DAB1: variants seen among roughly 807,000 people sequenced by gnomAD.
The protein encoded by DAB1 is disabled homolog 1.
DAB1 carries 15 observed loss-of-function variants against 64.6 expected under a neutral mutation model. The observed-to-expected ratio is 0.23, with a 90% CI of 0.16 to 0.36. DAB1 has a LOEUF of 0.36. Ranked by LOEUF, DAB1 falls within the 10% of genes least tolerant of loss-of-function variation. The pLI is 1.00. For missense variants in DAB1, 596 were observed against 706.7 expected, an observed-to-expected ratio of 0.84 and a Z score of 1.78; for synonymous variants, 235 against 251.9, an observed-to-expected ratio of 0.93 and a Z score of 0.64.
chr1:57,014,022 C>T (rs2100319272), intron 12 of DAB1, among the ~76,000 whole-genome samples: 2 of 152,322 alleles, frequency 1.3e-5, no homozygotes, highest in South Asian at 4.2e-4. Context: ...AACACCAGAA[C>T]TCTGGTCCAG....
intron 6 of DAB1, among the ~76,000 whole-genome samples, chr1:57,669,822 A>G (rs1043882321): frequency 1.3e-5 from 2 of 152,202 alleles, no homozygotes; most frequent in Admixed American, 1.3e-4. Context: ...AATATATTTA[A>G]TAGGATTTGG....
chr1:57,215,522 G>C (rs575204106), intron 2 of DAB1, among the ~76,000 whole-genome samples: 1 of 152,202 alleles, frequency 6.6e-6, no homozygotes, highest in African/African-American at 2.4e-5. Context: ...CTTTGAGTTT[G>C]AAAAAAACGT....
intron 9 of DAB1, among the ~76,000 whole-genome samples, chr1:57,043,309 C>A (rs563222576): frequency 1.3e-5 from 2 of 152,306 alleles, no homozygotes; most frequent in East Asian, 3.9e-4. Context: ...GTCTTCCAGT[C>A]TCTATAAAGG....
At chr1:58,319,802 T>C (rs1662641696) in intron 4 of DAB1, among the ~76,000 whole-genome samples, 1 of 152,166 alleles carries the variant, frequency 6.6e-6, no homozygotes, top group Admixed American at 6.5e-5. Context: ...ACAACAGGCG[T>C]TGTCCAATAA....
intron 4 of DAB1, among the ~76,000 whole-genome samples, chr1:58,163,412 G>A (rs1231343346): frequency 1.3e-5 from 2 of 152,170 alleles, no homozygotes; most frequent in East Asian, 1.9e-4. Context: ...ATAGCCAAGT[G>A]AAGAGATAGA....
At chr1:57,033,235 A>G in intron 9 of DAB1, 1 of 797,852 alleles carries the variant, frequency 1.3e-6, no homozygotes, top group South Asian at 1.6e-5. Flanking sequence ...GGCAGGGCCC[A>G]CCAATAGTCT....
intron 5 of DAB1, among the ~76,000 whole-genome samples, chr1:57,917,543 C>T (rs1644745581): frequency 6.6e-6 from 1 of 152,146 alleles, no homozygotes; most frequent in Non-Finnish European, 1.5e-5. Flanking sequence ...ATTTCTTCTG[C>T]CTTTACTGTA....
At chr1:57,594,021 T>C (rs1025894735) in intron 7 of DAB1, among the ~76,000 whole-genome samples, 4 of 152,194 alleles carry the variant, frequency 2.6e-5, no homozygotes, top group Admixed American at 6.5e-5. Flanking sequence ...ATGAATACCA[T>C]GAACTACTCA....
At chr1:57,785,287 C>A (rs977569860) in intron 6 of DAB1, among the ~76,000 whole-genome samples, 3 of 152,156 alleles carry the variant, frequency 2.0e-5, no homozygotes, top group African/African-American at 7.2e-5. Flanking sequence ...AAATTATTTT[C>A]ATGCCTATTA....
At chr1:57,644,987 C>G (rs536903119) in intron 7 of DAB1, among the ~76,000 whole-genome samples, 31 of 152,240 alleles carry the variant, frequency 2.0e-4, no homozygotes, top group Admixed American at 1.9e-3. Flanking sequence ...GTTAAGCACA[C>G]ACATCTGGAC....
chr1:57,790,497 GGAACTAATA>G (rs1172967979), intron 6 of DAB1, among the ~76,000 whole-genome samples: 1 of 152,052 alleles, frequency 6.6e-6, no homozygotes, highest in Non-Finnish European at 1.5e-5. Context: ...AGCATGAAAA[GGAACTAATA>G]CATCCTCCAA....
At chr1:57,898,023 GA>G (rs1206807664) in intron 5 of DAB1, among the ~76,000 whole-genome samples, 1 of 152,116 alleles carries the variant, frequency 6.6e-6, no homozygotes, top group Non-Finnish European at 1.5e-5. Flanking sequence ...GAAACTGGTA[GA>G]AGAAAGGGGC....
At chr1:57,831,259 C>T (rs1412845717) in intron 1 of DAB1, among the ~76,000 whole-genome samples, 1 of 152,050 alleles carries the variant, frequency 6.6e-6, no homozygotes, top group Non-Finnish European at 1.5e-5. Context: ...TTCTGTGTGA[C>T]CCTTCCTGGG....
intron 2 of DAB1, among the ~76,000 whole-genome samples, chr1:57,226,961 T>C (rs957524388): frequency 6.6e-6 from 1 of 151,732 alleles, no homozygotes; most frequent in Admixed American, 6.6e-5. Context: ...GAGGATTTCT[T>C]GAGCCCAGGA....
At chr1:58,015,263 C>A (rs1177933429) in intron 5 of DAB1, among the ~76,000 whole-genome samples, 1 of 152,250 alleles carries the variant, frequency 6.6e-6, no homozygotes, top group Non-Finnish European at 1.5e-5. Flanking sequence ...TGGCCTTAGG[C>A]ATCCCTCATG....
At chr1:57,685,647 C>T (rs1303656413) in intron 6 of DAB1, among the ~76,000 whole-genome samples, 3 of 152,062 alleles carry the variant, frequency 2.0e-5, no homozygotes, top group African/African-American at 7.2e-5. Context: ...TAAGATTGAC[C>T]ACAAACTTGG....
intron 5 of DAB1, among the ~76,000 whole-genome samples, chr1:58,060,770 T>C (rs1288496999): frequency 1.3e-5 from 2 of 152,254 alleles, no homozygotes; most frequent in East Asian, 3.8e-4. Flanking sequence ...AGCCATGGGC[T>C]GTTAAGCAAA....
chr1:58,456,686 T>C (rs942586297), intron 3 of DAB1, among the ~76,000 whole-genome samples: 2 of 152,160 alleles, frequency 1.3e-5, no homozygotes, highest in Non-Finnish European at 2.9e-5. Flanking sequence ...AAAATATCCA[T>C]TGAGTCACCA....
chr1:57,182,148 T>G (rs766284173), intron 2 of DAB1, among the ~76,000 whole-genome samples: 7 of 152,186 alleles, frequency 4.6e-5, no homozygotes, highest in African/African-American at 7.2e-5. Flanking sequence ...GCCTCCCAAA[T>G]TGTTGGGATT....
Sources: gnomAD v4.1 joint callset for allele counts (sites outside exome capture counted in the v4.1 genomes callset) on GRCh38, gnomAD v4.1.1 for gene constraint, MANE v1.5 for transcripts, NCBI Gene and HGNC (gene_info 2026-07-23, HGNC 2026-07-21) for gene names.